The following CASD1 variants were observed in gnomAD, a reference collection of about 807,000 sequenced individuals.
CASD1 encodes N-acetylneuraminate (7)9-O-acetyltransferase.
A neutral mutation model predicts 100.0 loss-of-function variants in CASD1; 41 were observed. The observed-to-expected ratio is 0.41, with a 90% confidence interval of 0.32 to 0.53. The LOEUF (loss-of-function observed/expected upper bound fraction) is 0.53. Among genes scored for constraint, CASD1 ranks in the 20% least tolerant of loss-of-function variants. CASD1 has a pLI of 0.25. For synonymous variants in CASD1, 321 were observed against 315.6 expected, an observed-to-expected ratio of 1.02 and a Z score of -0.18; for missense variants, 774 against 948.7, an observed-to-expected ratio of 0.82 and a Z score of 2.42.
chr7:94,570,299 T>C, the CASD1 span, among the ~76,000 whole-genome samples: 2 of 152,164 alleles, frequency 1.3e-5, no homozygotes, highest in Non-Finnish European at 2.9e-5. Context: ...TCACTTCTTT[T>C]TGTGTACCTT....
At chr7:94,517,145 C>T (rs1050822260) in intron 1 of CASD1, among the ~76,000 whole-genome samples, 1 of 152,284 alleles carries the variant, frequency 6.6e-6, no homozygotes, top group Non-Finnish European at 1.5e-5. Context: ...CTCGAGTGAT[C>T]TGCCCACCTA....
chr7:94,585,388 A>C, the CASD1 span: 1 of 930,926 alleles, frequency 1.1e-6, no homozygotes, highest in Non-Finnish European at 1.8e-6. Flanking sequence ...TACTGCCAAC[A>C]TGCATAACAT....
At chr7:94,610,409 A>T in the CASD1 span, among the ~76,000 whole-genome samples, 2 of 152,028 alleles carry the variant, frequency 1.3e-5, no homozygotes, top group African/African-American at 4.8e-5. Flanking sequence ...CAAATATACC[A>T]CTCTGGTGGG....
chr7:94,569,688 C>G, the CASD1 span, among the ~76,000 whole-genome samples: 1 of 152,166 alleles, frequency 6.6e-6, no homozygotes, highest in East Asian at 1.9e-4. Context: ...AAGTGGTCCT[C>G]CCACCTCAGC....
chr7:94,577,416 A>T, the CASD1 span, among the ~76,000 whole-genome samples: 1 of 152,176 alleles, frequency 6.6e-6, no homozygotes, highest in Non-Finnish European at 1.5e-5. Flanking sequence ...GCTAATAATT[A>T]AACAGATATT....
chr7:94,554,011 G>T (rs1414109255), intron 16 of CASD1: 1 of 152,838 alleles, frequency 6.5e-6, no homozygotes, highest in Non-Finnish European at 1.5e-5. Flanking sequence ...GAGCAAACAT[G>T]AAGACATGTT....
At chr7:94,518,611 CAA>C (rs1255803518) in intron 3 of CASD1, among the ~76,000 whole-genome samples, 1 of 152,042 alleles carries the variant, frequency 6.6e-6, no homozygotes, top group African/African-American at 2.4e-5. Flanking sequence ...AGAAAGAAGA[CAA>C]AGAGAAAATA....
chr7:94,604,518 T>C, the CASD1 span, among the ~76,000 whole-genome samples: 1 of 151,912 alleles, frequency 6.6e-6, no homozygotes, highest in Non-Finnish European at 1.5e-5. Flanking sequence ...GCAAGTCATC[T>C]GGTACGGGCA....
the CASD1 span, among the ~76,000 whole-genome samples, chr7:94,571,752 CTT>C: frequency 6.6e-6 from 1 of 152,004 alleles, no homozygotes; most frequent in Non-Finnish European, 1.5e-5. Context: ...GACTGGATGA[CTT>C]TTAAAATTCC....
At chr7:94,597,744 C>A in the CASD1 span, 1 of 152,234 alleles carries the variant, frequency 6.6e-6, no homozygotes, top group African/African-American at 2.4e-5. Flanking sequence ...CATGGTGGCT[C>A]ACACCTGTAA....
chr7:94,530,677 A>C (rs1404552380), intron 5 of CASD1, among the ~76,000 whole-genome samples: 1 of 152,126 alleles, frequency 6.6e-6, no homozygotes, highest in Non-Finnish European at 1.5e-5. Context: ...GAAGTCATTA[A>C]GTCTGAGCTA....
chr7:94,532,420 G>A (rs1303487106), intron 5 of CASD1, among the ~76,000 whole-genome samples: 1 of 152,098 alleles, frequency 6.6e-6, no homozygotes, highest in Non-Finnish European at 1.5e-5. Flanking sequence ...AACTGAGACG[G>A]CCACTAAGTG....
At chr7:94,613,815 A>G in the CASD1 span, among the ~76,000 whole-genome samples, 1 of 152,172 alleles carries the variant, frequency 6.6e-6, no homozygotes, top group Non-Finnish European at 1.5e-5. Context: ...TATATGTTAC[A>G]TGTTGCCTGG....
chr7:94,604,346 T>G, the CASD1 span, among the ~76,000 whole-genome samples: 1 of 152,010 alleles, frequency 6.6e-6, no homozygotes, highest in African/African-American at 2.4e-5. Flanking sequence ...TCTAGCTGCC[T>G]TCTTTGCAGA....
At chr7:94,623,528 T>G in the CASD1 span, 1 of 665,890 alleles carries the variant, frequency 1.5e-6, no homozygotes, top group East Asian at 2.7e-5. Context: ...TACAAAATAT[T>G]CCTTCTCTGG....
At chr7:94,587,685 G>A in the CASD1 span, 2 of 1,529,340 alleles carry the variant, frequency 1.3e-6, no homozygotes, top group Non-Finnish European at 1.8e-6. Context: ...AAACATGTTA[G>A]CATTTAATTA....
intron 5 of CASD1, among the ~76,000 whole-genome samples, chr7:94,531,639 A>G (rs1428802459): frequency 6.6e-6 from 1 of 152,182 alleles, no homozygotes; most frequent in African/African-American, 2.4e-5. Context: ...ATGGTCATAT[A>G]TCTAAAAGAA....
In CASD1 at chr7:94,549,607, G is replaced by A; in HGVS notation, c.1788G>A (p.Trp596Ter). Residue 596 changes from tryptophan (W) to a stop codon, truncating the protein, a stop_gained, in exon 14 of 18, where the codon TGG becomes TGA. Coordinates refer to ENST00000297273, the MANE Select transcript of CASD1 (RefSeq NM_022900.5). LOFTEE classifies it high-confidence loss of function. ...AACTGAAAGGGAATGTATATGAATGGTGGTTCAGATGGAGGTTAGACCGTT... is the reference window on the plus strand; with the variant it reads ...AACTGAAAGGGAATGTATATGAATGATGGTTCAGATGGAGGTTAGACCGTT... ...CFELKGNVYE[W>*]WFRWRLDRYV... 4 of 1,609,062 alleles carry A rather than the reference G, an allele frequency of 2.5e-6. No individual in the cohort carries two copies. Among genetic ancestry groups the A allele is most frequent in the South Asian group, 1.1e-5 (1 of 90,532 alleles).
the CASD1 span, among the ~76,000 whole-genome samples, chr7:94,593,214 A>G: frequency 6.6e-6 from 1 of 152,102 alleles, no homozygotes; most frequent in Non-Finnish European, 1.5e-5. Context: ...TTAATTTTCA[A>G]AAGATTAAGT....
Sources: allele counts gnomAD v4.1 joint callset (sites outside exome capture counted in the v4.1 genomes callset), GRCh38; gene constraint gnomAD v4.1.1; transcripts MANE v1.5; gene names NCBI Gene and HGNC (gene_info 2026-07-23, HGNC 2026-07-21).